Variants in MAP3K1 observed in about 807,000 individuals in gnomAD.
MAP3K1 encodes MAP/ERK kinase kinase 1.
MAP3K1 carries 36 observed loss-of-function variants against 144.2 expected under a neutral mutation model. The observed-to-expected ratio is 0.25, with a 90% CI of 0.19 to 0.33. The LOEUF (loss-of-function observed/expected upper bound fraction) is 0.33. Among genes scored for constraint, MAP3K1 ranks in the 10% least tolerant of loss-of-function variants. The pLI, the probability that MAP3K1 is intolerant of heterozygous loss-of-function variation, is 1.00. For missense variants in MAP3K1, 1,650 were observed against 1,881.9 expected (o/e 0.88, Z 2.28); for synonymous variants, 718 against 688.7 (o/e 1.04, Z -0.67).
Position 56,893,786 on chromosome 5 carries a change from C to A in MAP3K1, c.*106C>A. ...TACTGGCCATGATGCCACTGAACAG[C>A]TATGAACGAGGCCAGTGGGGAACCC... On this transcript the variant is annotated 3_prime_UTR_variant, in exon 20 of 20. Coordinates refer to ENST00000399503, the MANE Select transcript of MAP3K1 (RefSeq NM_005921.2). The A allele has an allele frequency of 1.6e-6, 2 of 1,255,294 alleles. No homozygotes were observed. The highest frequency in any genetic ancestry group is 2.3e-6 in the Non-Finnish European group (2 of 881,018). 77.8% of individuals were successfully genotyped at this position (1,255,294 alleles called of 1,614,324 possible). A position where few individuals can be genotyped will look rare whatever the true frequency, so the allele number is the denominator to read the frequency against.
At chr5:56,834,145 G>T (rs1438946434) in intron 1 of MAP3K1, among the ~76,000 whole-genome samples, 2 of 152,104 alleles carry the variant, frequency 1.3e-5, no homozygotes, top group Non-Finnish European at 2.9e-5. Flanking sequence ...TTCAGTAGTA[G>T]TTTGCTGGCC....
intron 1 of MAP3K1, among the ~76,000 whole-genome samples, chr5:56,841,526 A>C (rs766645813): frequency 5.3e-5 from 8 of 152,296 alleles, no homozygotes; most frequent in Middle Eastern, 3.4e-3. Context: ...ACATTCAAAA[A>C]CATGGAGAGC....
intron 19 of MAP3K1, among the ~76,000 whole-genome samples, chr5:56,889,872 C>T (rs985205643): frequency 6.6e-5 from 10 of 152,122 alleles, no homozygotes; most frequent in African/African-American, 2.2e-4. Context: ...TCCAGTGCTC[C>T]CCACACTTAT....
chr5:56,844,066 C>T (rs907698460), intron 1 of MAP3K1, among the ~76,000 whole-genome samples: 1 of 150,518 alleles, frequency 6.6e-6, no homozygotes, highest in Non-Finnish European at 1.5e-5. Context: ...ACATGTAGGT[C>T]TTATTAGAGG....
chr5:56,886,119 T>A, intron 17 of MAP3K1, 56 bp downstream of exon 17: 1 of 1,471,180 alleles, frequency 6.8e-7, no homozygotes, highest in Non-Finnish European at 9.5e-7. Context: ...TTTTAAAATT[T>A]GGGGCCAGGC....
At chr5:56,832,020 G>A (rs1004663895) in intron 1 of MAP3K1, among the ~76,000 whole-genome samples, 1 of 152,160 alleles carries the variant, frequency 6.6e-6, no homozygotes, top group Non-Finnish European at 1.5e-5. Context: ...TGTTAGCACT[G>A]GCTCAGGCTT....
At position 56,893,934 on chromosome 5, in the gene MAP3K1, CAATG is replaced by C. The variant is rs1748626278; in HGVS notation, c.*257_*260del. The C allele has an allele frequency of 3.8e-6, 2 of 523,484 alleles. No homozygotes were observed. Among genetic ancestry groups the C allele is most frequent in the Non-Finnish European group, 3.5e-6 (1 of 289,692 alleles). The allele number at this position is 523,484 out of a possible 1,614,324, so 32.4% of individuals were successfully genotyped here. A position where few individuals can be genotyped will look rare whatever the true frequency, so the allele number is the denominator to read the frequency against. ...AACTGGCCCTAGGTGAACAGGAAAA[CAATG>C]AAGTTTGCATGACTAAATTGCAGAA... On this transcript the variant is annotated 3_prime_UTR_variant, in exon 20 of 20. Transcript: ENST00000399503.
At chr5:56,845,342 A>G (rs2111828265) in intron 1 of MAP3K1, among the ~76,000 whole-genome samples, 1 of 152,322 alleles carries the variant, frequency 6.6e-6, no homozygotes, top group South Asian at 2.1e-4. Flanking sequence ...TGCAGCCTTC[A>G]TGTAACACTG....
intron 1 of MAP3K1, among the ~76,000 whole-genome samples, chr5:56,833,598 G>A (rs1013193463): frequency 1.3e-5 from 2 of 152,124 alleles, no homozygotes; most frequent in South Asian, 2.1e-4. Flanking sequence ...ATTCTGAAAC[G>A]TGTGTCTTTA....
intron 10 of MAP3K1, among the ~76,000 whole-genome samples, chr5:56,876,694 C>T (rs566195888): frequency 1.3e-5 from 2 of 152,264 alleles, no homozygotes; most frequent in East Asian, 3.9e-4. Context: ...CTTAACCTCT[C>T]TTAAATAAAC....
rs1334556106 is a variant in MAP3K1 at position 56,885,921 on chromosome 5, T to C, written c.3983-11T>C. Reference sequence around the variant, plus strand: ...CTTAAGTTTATGATAATTATTTCTATTGTCTTATAGGGGGATCGGTGGCTC... The same window carrying C: ...CTTAAGTTTATGATAATTATTTCTACTGTCTTATAGGGGGATCGGTGGCTC... On this transcript the variant is annotated splice_polypyrimidine_tract_variant and intron_variant, in intron 16 of 19. Coordinates refer to ENST00000399503, the MANE Select transcript of MAP3K1 (RefSeq NM_005921.2). 6.2e-7 allele frequency: 1 copy of C among 1,610,710 alleles called. No homozygotes were observed.
chr5:56,858,722 A>AG (rs1209474452), intron 2 of MAP3K1, among the ~76,000 whole-genome samples: 1 of 152,218 alleles, frequency 6.6e-6, no homozygotes, highest in Non-Finnish European at 1.5e-5. Context: ...GATGGGCAGA[A>AG]GAGCAATAGG....
intron 1 of MAP3K1, among the ~76,000 whole-genome samples, chr5:56,841,263 T>C (rs1327161181): frequency 6.6e-6 from 1 of 152,230 alleles, no homozygotes; most frequent in Non-Finnish European, 1.5e-5. Flanking sequence ...AAAATCTTTG[T>C]GCTCTCTACT....
intron 1 of MAP3K1, among the ~76,000 whole-genome samples, chr5:56,837,943 A>C (rs975011751): frequency 5.3e-5 from 8 of 152,178 alleles, no homozygotes; most frequent in Non-Finnish European, 1.0e-4. Flanking sequence ...GGGACCCTAG[A>C]GCTTCAGTTA....
In MAP3K1 at chr5:56,881,131, G is replaced by A. The variant is rs2111938718; in HGVS notation, c.2228G>A (p.Gly743Glu). 1 of 1,613,672 alleles carries A rather than the reference G, an allele frequency of 6.2e-7. No individual in the cohort carries two copies. Among genetic ancestry groups the A allele is most frequent in the Non-Finnish European group, 8.5e-7 (1 of 1,179,868 alleles). The change falls in exon 13 of 20, where the codon GGA (glycine) becomes GAA (glutamate). Residue 743 changes from glycine (G) to glutamate (E), a missense_variant. Coordinates refer to ENST00000399503, the MANE Select transcript of MAP3K1 (RefSeq NM_005921.2). ...GATTATGTCTTAAATTGTATTCTTG[G>A]AAACCAAACTGAATCAAACAATTGG... ...GVDYVLNCIL[G>E]NQTESNNWQE...
intron 1 of MAP3K1, chr5:56,841,913 C>G (rs1746826889): frequency 6.6e-6 from 1 of 152,076 alleles, no homozygotes; most frequent in Non-Finnish European, 1.5e-5. Flanking sequence ...AGTAGTAGTT[C>G]AGTGGTGCAT....
At chr5:56,826,309 C>T (rs1376155145) in intron 1 of MAP3K1, among the ~76,000 whole-genome samples, 1 of 152,138 alleles carries the variant, frequency 6.6e-6, no homozygotes, top group African/African-American at 2.4e-5. Flanking sequence ...TTAACAAGTT[C>T]CTCGATATCT....
At chr5:56,850,712 C>T (rs143371227) in intron 1 of MAP3K1, among the ~76,000 whole-genome samples, 13 of 152,242 alleles carry the variant, frequency 8.5e-5, no homozygotes, top group African/African-American at 2.9e-4. Flanking sequence ...CATAACCCAG[C>T]CTCCCCAAGC....
intron 1 of MAP3K1, among the ~76,000 whole-genome samples, chr5:56,852,378 G>A (rs1747201798): frequency 6.6e-6 from 1 of 152,138 alleles, no homozygotes; most frequent in South Asian, 2.1e-4. Context: ...AAGCATCTTG[G>A]TTTTTAACAG....
Sources: allele counts gnomAD v4.1 joint callset (sites outside exome capture counted in the v4.1 genomes callset), GRCh38; gene constraint gnomAD v4.1.1; transcripts MANE v1.5; gene names NCBI Gene and HGNC (gene_info 2026-07-23, HGNC 2026-07-21).